Variants in WWC2 observed in about 807,000 individuals in gnomAD.
The protein encoded by WWC2 is protein WWC2.
A neutral mutation model predicts 138.5 loss-of-function variants in WWC2; 101 were observed. That is an observed-to-expected ratio of 0.73 (90% confidence interval 0.62 to 0.86). The LOEUF (loss-of-function observed/expected upper bound fraction) is 0.86. Ranked by LOEUF, WWC2 falls within the 40% of genes least tolerant of loss-of-function variation. The pLI, the probability that WWC2 is intolerant of heterozygous loss-of-function variation, is 0.00. For synonymous variants in WWC2, 558 were observed against 538.4 expected, an observed-to-expected ratio of 1.04 and a Z score of -0.50; for missense variants, 1,420 against 1,419.4, an observed-to-expected ratio of 1.00 and a Z score of -0.01.
chr4:183,293,940 A>G (rs1438375920), intron 21 of WWC2, among the ~76,000 whole-genome samples: 3 of 152,194 alleles, frequency 2.0e-5, no homozygotes, highest in Non-Finnish European at 2.9e-5. Flanking sequence ...AATTTATTAC[A>G]TCCATGTAGA....
intron 4 of WWC2, among the ~76,000 whole-genome samples, chr4:183,210,227 C>A (rs1004058876): frequency 2.6e-5 from 4 of 151,884 alleles, no homozygotes; most frequent in African/African-American, 7.3e-5. Flanking sequence ...AAAAGGAGAT[C>A]AAATATACTG....
intron 14 of WWC2, among the ~76,000 whole-genome samples, chr4:183,267,351 T>C (rs534238404): frequency 6.6e-6 from 1 of 152,194 alleles, no homozygotes; most frequent in African/African-American, 2.4e-5. Context: ...AAATGCGAGA[T>C]GAAAAACACC....
At chr4:183,252,365 G>A in intron 8 of WWC2, among the ~76,000 whole-genome samples, 1 of 152,180 alleles carries the variant, frequency 6.6e-6, no homozygotes, top group Non-Finnish European at 1.5e-5. Flanking sequence ...ATGGTCGAAA[G>A]AACCATGTGC....
chr4:183,281,670 CATAA>C (rs1213039435), intron 17 of WWC2, among the ~76,000 whole-genome samples: 1 of 152,058 alleles, frequency 6.6e-6, no homozygotes, highest in African/African-American at 2.4e-5. Flanking sequence ...CACGATATAT[CATAA>C]ATAACGCAGT....
chr4:183,242,270 ATATTTGTGGCATG>A (rs1736647235), intron 5 of WWC2, among the ~76,000 whole-genome samples: 1 of 152,240 alleles, frequency 6.6e-6, no homozygotes, highest in Admixed American at 6.5e-5. Flanking sequence ...AAAGGGACTT[ATATTTGTGGCATG>A]ACAGAAAATA....
At chr4:183,175,748 A>T (rs1208574019) in intron 1 of WWC2, among the ~76,000 whole-genome samples, 1 of 152,244 alleles carries the variant, frequency 6.6e-6, no homozygotes, top group Non-Finnish European at 1.5e-5. Context: ...AGATAAATAA[A>T]GATGAGGCCC....
chr4:183,248,475 T>C (rs1008809571), intron 6 of WWC2, among the ~76,000 whole-genome samples: 1 of 152,218 alleles, frequency 6.6e-6, no homozygotes, highest in Non-Finnish European at 1.5e-5. Flanking sequence ...AGGAAAATGC[T>C]GTTTTGAGAT....
chr4:183,106,649 T>C (rs957023073), intron 1 of WWC2, among the ~76,000 whole-genome samples: 3 of 152,234 alleles, frequency 2.0e-5, no homozygotes, highest in Admixed American at 1.3e-4. Flanking sequence ...TTGCCTATTC[T>C]GGACATTTTA....
Position 183,100,663 on chromosome 4 carries a change from A to G in WWC2, c.131+1041A>G, listed in dbSNP as rs986043871. On this transcript the variant is annotated intron_variant, in intron 1 of 22. Transcript: ENST00000403733. ...CTATTTAACATTTTCCCTTTTCTCA[A>G]TTTGAAGCTGAAATACCTAACTACT... Among the ~76,000 whole-genome samples the G allele has an allele frequency of 5.9e-5, 9 of 152,280 alleles. No homozygotes were observed. In the East Asian group the frequency reaches 1.5e-3, roughly 26 times the overall value.
chr4:183,113,480 C>CTGTGTGTGTGTGTGTGTGTG (rs113602820), intron 1 of WWC2, among the ~76,000 whole-genome samples: 1 of 143,708 alleles, frequency 7.0e-6, no homozygotes, highest in African/African-American at 2.6e-5. Context: ...AAGGTGGGGC[C>CTGTGTGTGTGTGTGTGTGTG]TGTGTGTGTG....
intron 1 of WWC2, among the ~76,000 whole-genome samples, chr4:183,153,546 ATT>A (rs1733704568): frequency 6.6e-6 from 1 of 152,082 alleles, no homozygotes; most frequent in Non-Finnish European, 1.5e-5. Flanking sequence ...TTTAAAAAAT[ATT>A]GTTATTAAAG....
At chr4:183,310,086 A>ATTT (rs2111118004) in intron 21 of WWC2, among the ~76,000 whole-genome samples, 1 of 152,334 alleles carries the variant, frequency 6.6e-6, no homozygotes, top group Non-Finnish European at 1.5e-5. Flanking sequence ...GCACAGGGGA[A>ATTT]TTTTAAAGCA....
intron 1 of WWC2, among the ~76,000 whole-genome samples, chr4:183,173,966 T>C (rs1017101491): frequency 2.6e-5 from 4 of 152,194 alleles, no homozygotes; most frequent in Non-Finnish European, 5.9e-5. Flanking sequence ...GCATTTCTGT[T>C]AAGGCACTCC....
At chr4:183,307,965 A>C (rs1739078602) in intron 21 of WWC2, among the ~76,000 whole-genome samples, 2 of 152,232 alleles carry the variant, frequency 1.3e-5, no homozygotes, top group Admixed American at 1.3e-4. Context: ...AGGCAACCTG[A>C]AAGATTTGAC....
At chr4:183,179,573 G>C (rs1264740652) in intron 1 of WWC2, among the ~76,000 whole-genome samples, 4 of 152,022 alleles carry the variant, frequency 2.6e-5, no homozygotes, top group African/African-American at 9.7e-5. Flanking sequence ...TTGACGGAGA[G>C]GGGGCCATCA....
intron 1 of WWC2, among the ~76,000 whole-genome samples, chr4:183,128,795 A>G (rs1311707996): frequency 6.6e-6 from 1 of 152,172 alleles, no homozygotes; most frequent in African/African-American, 2.4e-5. Flanking sequence ...GATTTTCTAC[A>G]TTGGCATTCA....
chr4:183,126,146 C>T (rs1579963052), intron 1 of WWC2, among the ~76,000 whole-genome samples: 1 of 152,230 alleles, frequency 6.6e-6, no homozygotes, highest in Non-Finnish European at 1.5e-5. Flanking sequence ...TCTGCAGACT[C>T]TCTCTGAGCC....
In WWC2 at chr4:183,280,842, C is replaced by CAAG. The variant is rs548940774; in HGVS notation, c.2644_2646dup (p.Glu882dup). The CAAG allele has an allele frequency of 1.5e-4, 235 of 1,594,518 alleles. 4 individuals are homozygous for CAAG. In the East Asian group the frequency reaches 5.1e-3, roughly 34 times the overall value. On this transcript the variant is annotated inframe_insertion, in exon 17 of 23. Transcript: ENST00000403733. The stretch of plus-strand genomic sequence containing the variant: ...GTTAGCTGTGGAACAAGAATTAGCA[C>CAAG]AAGAAGAAGAAGAAGAATCAGGACA...
chr4:183,142,749 C>G (rs893452299), intron 1 of WWC2, among the ~76,000 whole-genome samples: 1 of 152,342 alleles, frequency 6.6e-6, no homozygotes, highest in African/African-American at 2.4e-5. Context: ...AAGCCCTGGA[C>G]TAGAGCCATG....
Sources: gnomAD v4.1 joint callset for allele counts (sites outside exome capture counted in the v4.1 genomes callset) on GRCh38, gnomAD v4.1.1 for gene constraint, MANE v1.5 for transcripts, NCBI Gene and HGNC (gene_info 2026-07-23, HGNC 2026-07-21) for gene names.